RBFOX1: variants seen among roughly 807,000 people sequenced by gnomAD.
RBFOX1 encodes the protein RNA binding protein fox-1 homolog 1.
Under a neutral mutation model 57.7 loss-of-function variants are expected in RBFOX1, and 8 were observed. That is an observed-to-expected ratio of 0.14 (90% CI 0.08 to 0.25). The LOEUF (loss-of-function observed/expected upper bound fraction) is 0.25. Ranked by LOEUF, RBFOX1 falls within the 10% of genes least tolerant of loss-of-function variation. RBFOX1 has a pLI of 1.00. For missense variants in RBFOX1, 611 were observed against 548.5 expected (o/e 1.11, Z -1.14); for synonymous variants, 326 against 222.4 (o/e 1.47, Z -4.15).
At chr16:6,544,557 T>G (rs913599994) in intron 2 of RBFOX1, among the ~76,000 whole-genome samples, 1 of 152,176 alleles carries the variant, frequency 6.6e-6, no homozygotes, top group African/African-American at 2.4e-5. Context: ...CTTGGTATTG[T>G]TTTCTCTTAG....
chr16:6,732,046 A>C (rs1322945696), intron 3 of RBFOX1, among the ~76,000 whole-genome samples: 2 of 152,178 alleles, frequency 1.3e-5, no homozygotes, highest in African/African-American at 4.8e-5. Flanking sequence ...GGAATGACTT[A>C]AGCTATGGCT....
chr16:5,981,206 TGGCAG>T lies in RBFOX1; in HGVS notation c.351+113872_351+113876del, dbSNP rs1226079874. On this transcript the variant is annotated intron_variant, in intron 4 of 19. Coordinates refer to the RBFOX1 transcript ENST00000641259. Reference sequence around the variant, plus strand: ...AAATAATAGTACAGGCTCTGCGCCTTGGCAGCAGCAATGTGAAGGGTCAACAGGAA... The same window carrying T: ...AAATAATAGTACAGGCTCTGCGCCTTCAGCAATGTGAAGGGTCAACAGGAA... 1.1e-3 allele frequency among the ~76,000 whole-genome samples: 164 copies of T among 152,324 alleles called. 1 individual carries two copies. The highest frequency in any genetic ancestry group is 8.8e-3 in the Admixed American group (135 of 15,302).
chr16:7,601,332 C>A (rs1045245255), intron 9 of RBFOX1, among the ~76,000 whole-genome samples: 1 of 152,182 alleles, frequency 6.6e-6, no homozygotes, highest in African/African-American at 2.4e-5. Context: ...AAGTGCTCAA[C>A]ACAATGCTAG....
At chr16:6,555,097 G>C (rs988174803) in intron 2 of RBFOX1, among the ~76,000 whole-genome samples, 3 of 152,136 alleles carry the variant, frequency 2.0e-5, no homozygotes, top group African/African-American at 7.2e-5. Flanking sequence ...AGGGAAGGAG[G>C]ATAAGGGGGT....
At chr16:6,704,195 C>G (rs148380433) in intron 3 of RBFOX1, 14 of 152,314 alleles carry the variant, frequency 9.2e-5, no homozygotes, top group African/African-American at 3.4e-4. Context: ...GGAAATGGGT[C>G]ATGCAGGAGT....
intron 5 of RBFOX1, among the ~76,000 whole-genome samples, chr16:7,570,875 A>G (rs771541212): frequency 7.9e-5 from 12 of 152,242 alleles, no homozygotes; most frequent in Non-Finnish European, 1.5e-4. Flanking sequence ...AATGTGGTAC[A>G]TATACACCGT....
At chr16:7,661,321 G>T (rs940458768) in intron 12 of RBFOX1, among the ~76,000 whole-genome samples, 1 of 152,050 alleles carries the variant, frequency 6.6e-6, no homozygotes, top group African/African-American at 2.4e-5. Context: ...TCTTTTTGCT[G>T]TGAAGCCACC....
chr16:7,339,665 C>A (rs190022816), intron 4 of RBFOX1, among the ~76,000 whole-genome samples: 2 of 152,284 alleles, frequency 1.3e-5, no homozygotes, highest in East Asian at 3.9e-4. Flanking sequence ...GTCTTGAACT[C>A]CTGACCTCAG....
At chr16:6,981,883 A>G (rs1599061168) in intron 3 of RBFOX1, among the ~76,000 whole-genome samples, 1 of 152,186 alleles carries the variant, frequency 6.6e-6, no homozygotes, top group Non-Finnish European at 1.5e-5. Context: ...TTGATTCCAC[A>G]TCTTGGCTAT....
chr16:7,145,178 C>T (rs925220729), intron 4 of RBFOX1, among the ~76,000 whole-genome samples: 10 of 152,034 alleles, frequency 6.6e-5, no homozygotes, highest in South Asian at 4.1e-4. Flanking sequence ...TCTTTACCCC[C>T]TACCCTTTTT....
chr16:6,868,242 G>T (rs573161484), intron 3 of RBFOX1, among the ~76,000 whole-genome samples: 1 of 152,026 alleles, frequency 6.6e-6, no homozygotes, highest in African/African-American at 2.4e-5. Context: ...AATACTTCGT[G>T]GTCTGCAGCA....
chr16:7,280,950 T>TCCCC (rs2095529008), intron 4 of RBFOX1, among the ~76,000 whole-genome samples: 2 of 117,926 alleles, frequency 1.7e-5, no homozygotes, highest in African/African-American at 6.7e-5. Context: ...TGTGATTCCC[T>TCCCC]ACCTACCTCC....
intron 3 of RBFOX1, among the ~76,000 whole-genome samples, chr16:6,675,620 A>G (rs142214370): frequency 6.6e-5 from 10 of 152,326 alleles, no homozygotes; most frequent in Admixed American, 2.0e-4. Flanking sequence ...AAGAGCTTTA[A>G]TAGACTCACA....
chr16:6,674,522 A>G lies in RBFOX1; in HGVS notation c.-16+19872A>G, dbSNP rs189843280. 3.9e-4 allele frequency among the ~76,000 whole-genome samples: 59 copies of G among 152,206 alleles called. No homozygotes were observed. In the Middle Eastern group the frequency reaches 0.014, roughly 35 times the overall value. On this transcript the variant is annotated intron_variant, in intron 3 of 15. Coordinates refer to ENST00000550418, the MANE Select transcript of RBFOX1 (RefSeq NM_018723.4). ...TTTTTAGTAGAGACGGGGTTTCGTC[A>G]TGTTGATCAGGATGGTGTCGAACTC...
intron 1 of RBFOX1, among the ~76,000 whole-genome samples, chr16:6,265,284 C>T (rs994160423): frequency 2.0e-5 from 3 of 152,008 alleles, no homozygotes; most frequent in South Asian, 2.1e-4. Context: ...TTTTGTGAGA[C>T]AGAATCTTGC....
rs547368327 is a variant in RBFOX1 at position 7,144,013 on chromosome 16, T to C, written c.27+91915T>C. Among the ~76,000 whole-genome samples the C allele has an allele frequency of 2.0e-5, 3 of 152,314 alleles. No homozygotes were observed. In the South Asian group the frequency reaches 6.2e-4, roughly 32 times the overall value. ...TGTTGTCTTTGGAACATTCATAGTT[T>C]GGTTCCTGTGTAGTTTTCAAGGTCC... is the stretch of plus-strand genomic sequence containing the variant. On this transcript the variant is annotated intron_variant, in intron 4 of 15. Transcript: ENST00000550418.
chr16:7,697,506 G>A (rs1386704157), intron 14 of RBFOX1, among the ~76,000 whole-genome samples: 1 of 91,662 alleles, frequency 1.1e-5, no homozygotes, highest in Non-Finnish European at 2.5e-5. Flanking sequence ...GTGCTAGTAT[G>A]ATATACATAC....
chr16:5,924,099 C>G (rs974135594), intron 4 of RBFOX1, among the ~76,000 whole-genome samples: 1 of 152,020 alleles, frequency 6.6e-6, no homozygotes, highest in African/African-American at 2.4e-5. Context: ...TCTGGTAGTT[C>G]CCCTCCTTGC....
intron 3 of RBFOX1, among the ~76,000 whole-genome samples, chr16:6,859,185 G>GGTATA (rs2058552827): frequency 2.3e-5 from 1 of 44,030 alleles, no homozygotes; most frequent in African/African-American, 9.1e-5. Context: ...GTATATATAT[G>GGTATA]TATATATATA....
Sources: gnomAD v4.1 joint callset for allele counts (sites outside exome capture counted in the v4.1 genomes callset) on GRCh38, gnomAD v4.1.1 for gene constraint, MANE v1.5 for transcripts, NCBI Gene and HGNC (gene_info 2026-07-23, HGNC 2026-07-21) for gene names.